DGKB: variants seen among roughly 807,000 people sequenced by gnomAD.
DGKB encodes the protein diacylglycerol kinase beta, also known as 90 kDa diacylglycerol kinase.
In DGKB, 67 loss-of-function variants were observed where a neutral mutation model predicts 114.3. That is an observed-to-expected ratio of 0.59 (90% CI 0.48 to 0.72). The LOEUF is 0.72. Ranked by LOEUF, DGKB falls within the 30% of genes least tolerant of loss-of-function variation. The probability of loss-of-function intolerance (pLI) is 0.00; values close to 1 mark genes in which losing one functional copy is unlikely to be tolerated. For missense variants in DGKB, 907 were observed against 975.2 expected (o/e 0.93, Z 0.93); for synonymous variants, 398 against 323.1 (o/e 1.23, Z -2.49).
intron 1 of DGKB, among the ~76,000 whole-genome samples, chr7:14,968,472 A>C (rs561844707): frequency 2.6e-5 from 4 of 152,322 alleles, no homozygotes; most frequent in African/African-American, 9.6e-5. Flanking sequence ...AAAACAATTT[A>C]ATAAGTTCTT....
intron 1 of DGKB, among the ~76,000 whole-genome samples, chr7:14,850,940 C>T (rs966689602): frequency 1.3e-5 from 2 of 152,142 alleles, no homozygotes; most frequent in South Asian, 4.1e-4. Flanking sequence ...TCTATCTGAG[C>T]CTCACTTTCC....
chr7:14,598,067 T>C (rs1029626776), intron 17 of DGKB, among the ~76,000 whole-genome samples: 1 of 152,166 alleles, frequency 6.6e-6, no homozygotes, highest in Non-Finnish European at 1.5e-5. Context: ...GTATCAGTAG[T>C]GCTAAACGTT....
At chr7:14,769,873 GC>G in intron 2 of DGKB, among the ~76,000 whole-genome samples, 1 of 152,130 alleles carries the variant, frequency 6.6e-6, no homozygotes. Context: ...TAGGCTTAGA[GC>G]CTATCAGAAA....
intron 16 of DGKB, among the ~76,000 whole-genome samples, chr7:14,611,538 G>A (rs1805542013): frequency 6.6e-6 from 1 of 152,048 alleles, no homozygotes; most frequent in African/African-American, 2.4e-5. Context: ...AATTATGTTT[G>A]CATTGAAAAC....
chr7:14,421,343 C>A (rs566671125), intron 21 of DGKB, among the ~76,000 whole-genome samples: 1 of 152,094 alleles, frequency 6.6e-6, no homozygotes, highest in Non-Finnish European at 1.5e-5. Flanking sequence ...ACGATCAGAA[C>A]CCTTTATCTA....
chr7:14,255,374 C>T (rs959711332), intron 23 of DGKB, among the ~76,000 whole-genome samples: 7 of 152,254 alleles, frequency 4.6e-5, no homozygotes, highest in African/African-American at 1.7e-4. Flanking sequence ...TGTGTATACT[C>T]TTATGATGAT....
intron 20 of DGKB, among the ~76,000 whole-genome samples, chr7:14,549,474 A>G (rs894496183): frequency 6.6e-6 from 1 of 152,110 alleles, no homozygotes; most frequent in Admixed American, 6.5e-5. Flanking sequence ...TAGTTATTTT[A>G]AAATATTCTA....
At chr7:14,764,992 C>G (rs1016806005) in intron 2 of DGKB, among the ~76,000 whole-genome samples, 1 of 151,856 alleles carries the variant, frequency 6.6e-6, no homozygotes, top group South Asian at 2.1e-4. Context: ...CAATAAGAAA[C>G]AGAAGTTTTT....
chr7:14,766,205 A>AC (rs1836431104), intron 2 of DGKB, among the ~76,000 whole-genome samples: 1 of 152,004 alleles, frequency 6.6e-6, no homozygotes, highest in Non-Finnish European at 1.5e-5. Context: ...ATTGGAATAT[A>AC]TCATTGAACA....
chr7:14,677,666 T>C (rs1267106321), intron 12 of DGKB, among the ~76,000 whole-genome samples: 2 of 152,028 alleles, frequency 1.3e-5, no homozygotes, highest in Non-Finnish European at 2.9e-5. Flanking sequence ...CAACATGTTA[T>C]ACAACGAAGG....
chr7:14,194,292 C>T (rs771166700), intron 23 of DGKB, among the ~76,000 whole-genome samples: 6 of 152,052 alleles, frequency 3.9e-5, no homozygotes, highest in East Asian at 3.9e-4. Context: ...TATATTGAAT[C>T]GACCTAAGTG....
At chr7:14,670,546 C>G (rs1012941046) in intron 13 of DGKB, among the ~76,000 whole-genome samples, 3 of 151,960 alleles carry the variant, frequency 2.0e-5, no homozygotes, top group African/African-American at 7.3e-5. Flanking sequence ...CTCAAGTGAT[C>G]CACCCACCTC....
At chr7:14,260,063 C>A (rs916562273) in intron 23 of DGKB, among the ~76,000 whole-genome samples, 1 of 149,514 alleles carries the variant, frequency 6.7e-6, no homozygotes. Context: ...CAAATTAAAA[C>A]ACATATACAT....
intron 23 of DGKB, among the ~76,000 whole-genome samples, chr7:14,219,027 T>C (rs1445447020): frequency 6.6e-5 from 10 of 151,974 alleles, no homozygotes; most frequent in Admixed American, 6.6e-4. Context: ...ATAGAATATG[T>C]AGTATTTTGT....
At chr7:14,701,253 G>A (rs1039849870) in intron 7 of DGKB, among the ~76,000 whole-genome samples, 1 of 152,068 alleles carries the variant, frequency 6.6e-6, no homozygotes, top group African/African-American at 2.4e-5. Context: ...ATGTAAAACT[G>A]GGAAAATAAT....
intron 21 of DGKB, among the ~76,000 whole-genome samples, chr7:14,405,877 A>C (rs540309961): frequency 3.3e-5 from 5 of 152,038 alleles, no homozygotes; most frequent in African/African-American, 1.2e-4. Flanking sequence ...GAGGCAGGAA[A>C]GAGTTTGGTG....
chr7:14,717,287 A>C (rs549578173), intron 6 of DGKB, among the ~76,000 whole-genome samples: 1 of 152,232 alleles, frequency 6.6e-6, no homozygotes, highest in East Asian at 1.9e-4. Flanking sequence ...TCATTTTCAG[A>C]TGTGGAAAAA....
At chr7:14,513,859 G>A (rs1454872124) in intron 20 of DGKB, among the ~76,000 whole-genome samples, 1 of 151,898 alleles carries the variant, frequency 6.6e-6, no homozygotes, top group Non-Finnish European at 1.5e-5. Context: ...GTTTTATCTA[G>A]TTGTAATGTT....
Position 14,902,680 on chromosome 7 carries a change from G to A in DGKB, c.-276C>T, listed in dbSNP as rs2128239655. Reference sequence around the variant, plus strand: ...AGGAACTGGGACTAGCCAGTTCTCAGGATCCTTTCCAATTCACACGCTCCC... The same window carrying A: ...AGGAACTGGGACTAGCCAGTTCTCAAGATCCTTTCCAATTCACACGCTCCC... On this transcript the variant is annotated 5_prime_UTR_variant, in exon 1 of 26. Coordinates refer to ENST00000402815, the MANE Select transcript of DGKB (RefSeq NM_001350709.2). The A allele has an allele frequency of 6.6e-6, 1 of 152,284 alleles. No homozygotes were observed. The highest frequency in any genetic ancestry group is 1.9e-4 in the East Asian group (1 of 5,168). The allele number at this position is 152,284 out of a possible 1,614,324, so 9.4% of individuals were successfully genotyped here.
Sources: allele counts gnomAD v4.1 joint callset (sites outside exome capture counted in the v4.1 genomes callset), GRCh38; gene constraint gnomAD v4.1.1; transcripts MANE v1.5; gene names NCBI Gene and HGNC (gene_info 2026-07-23, HGNC 2026-07-21).